The following CNTNAP4 variants were observed in gnomAD, a reference collection of about 807,000 sequenced individuals.
CNTNAP4 encodes the protein contactin associated protein family member 4.
In CNTNAP4, 98 loss-of-function variants were observed where a neutral mutation model predicts 148.4. The observed-to-expected ratio is 0.66, with a 90% CI of 0.56 to 0.78. The LOEUF is 0.78. Ranked by LOEUF, CNTNAP4 falls within the 30% of genes least tolerant of loss-of-function variation. The pLI, the probability that CNTNAP4 is intolerant of heterozygous loss-of-function variation, is 0.00. For synonymous variants in CNTNAP4, 730 were observed against 565.1 expected, an observed-to-expected ratio of 1.29 and a Z score of -4.14; for missense variants, 1,935 against 1,565.6, an observed-to-expected ratio of 1.24 and a Z score of -3.98.
At chr16:76,497,942 C>G (rs1346484083) in intron 14 of CNTNAP4, among the ~76,000 whole-genome samples, 1 of 152,102 alleles carries the variant, frequency 6.6e-6, no homozygotes, top group Non-Finnish European at 1.5e-5. Flanking sequence ...ACTGCAGTAT[C>G]AATCATTACA....
chr16:76,477,303 C>G (rs1296664756), intron 11 of CNTNAP4, among the ~76,000 whole-genome samples: 1 of 152,076 alleles, frequency 6.6e-6, no homozygotes, highest in Admixed American at 6.6e-5. Flanking sequence ...AATGGGAAGA[C>G]CAAAATGCCC....
intron 1 of CNTNAP4, among the ~76,000 whole-genome samples, chr16:76,280,759 TG>T (rs1958656290): frequency 6.6e-6 from 1 of 152,184 alleles, no homozygotes; most frequent in Non-Finnish European, 1.5e-5. Context: ...TTGGTTTCTT[TG>T]CTTGCTACTA....
rs9674155 is a variant in CNTNAP4 at position 76,300,891 on chromosome 16, G to C, written c.86-15522G>C. 3.3e-5 allele frequency among the ~76,000 whole-genome samples: 5 copies of C among 151,972 alleles called. No individual in the cohort carries two copies. The East Asian group carries it at 9.7e-4, about 29-fold the overall frequency. ...GAAGTACCTGGATGTCAAGGAAGGG[G>C]TATCTTTTATTTTATTTATTTATTT... On this transcript the variant is annotated intron_variant, in intron 1 of 23. Transcript: ENST00000611870.
Position 76,495,062 on chromosome 16 carries a change from G to C in CNTNAP4, c.2233G>C (p.Glu745Gln), listed in dbSNP as rs2082354913. 6.2e-7 allele frequency: 1 copy of C among 1,612,618 alleles called. No homozygotes were observed. Among genetic ancestry groups the C allele is most frequent in the Non-Finnish European group, 8.5e-7 (1 of 1,179,102 alleles). Residue 745 changes from glutamate (E) to glutamine (Q), a missense_variant, in exon 14 of 24, where the codon GAA (glutamate) becomes CAA (glutamine). Transcript: ENST00000611870. ...CTGCAATTGTGATGCTGACCGGAAT[G>C]AATGGTGATTTCCATATGATTTCTT... ...YYCNCDADRN[E>Q]WTNDTGLLAY...
chr16:76,345,665 G>C lies in CNTNAP4; in HGVS notation c.197-9653G>C, dbSNP rs116705670. ...ACCCTCCCACAGAGCCTGGAAGATGGAAGTCCTGTCTTTCTTGATGATTAC... is the reference window on the plus strand; with the variant it reads ...ACCCTCCCACAGAGCCTGGAAGATGCAAGTCCTGTCTTTCTTGATGATTAC... On this transcript the variant is annotated intron_variant, in intron 2 of 23. Coordinates refer to ENST00000611870, the MANE Select transcript of CNTNAP4 (RefSeq NM_033401.5). Among the ~76,000 whole-genome samples, 786 of 152,312 alleles carry C rather than the reference G, an allele frequency of 5.2e-3. 4 individuals carry two copies. The highest frequency in any genetic ancestry group is 0.018 in the African/African-American group (728 of 41,568).
intron 12 of CNTNAP4, among the ~76,000 whole-genome samples, chr16:76,486,797 G>A (rs898991794): frequency 9.9e-5 from 15 of 151,948 alleles, no homozygotes; most frequent in Admixed American, 2.0e-4. Context: ...AGTGTGCCAG[G>A]CACCCTCTGT....
intron 3 of CNTNAP4, among the ~76,000 whole-genome samples, chr16:76,411,418 C>G (rs1018143787): frequency 6.6e-6 from 1 of 151,162 alleles, no homozygotes; most frequent in Non-Finnish European, 1.5e-5. Context: ...TTTATAATGT[C>G]TGTAGTGGGG....
intron 1 of CNTNAP4, among the ~76,000 whole-genome samples, chr16:76,310,162 G>T (rs1301100516): frequency 6.6e-6 from 1 of 151,958 alleles, no homozygotes; most frequent in Non-Finnish European, 1.5e-5. Context: ...TCTCTCGTTG[G>T]GCAGGAAACA....
intron 4 of CNTNAP4, among the ~76,000 whole-genome samples, chr16:76,428,659 C>T (rs1206898188): frequency 6.6e-6 from 1 of 151,920 alleles, no homozygotes; most frequent in Non-Finnish European, 1.5e-5. Context: ...TTTCAGTGTC[C>T]ATCTCTACCA....
intron 2 of CNTNAP4, among the ~76,000 whole-genome samples, chr16:76,336,930 T>C (rs1269070554): frequency 6.6e-6 from 1 of 152,216 alleles, no homozygotes; most frequent in East Asian, 1.9e-4. Context: ...AATTTTTTTA[T>C]TTAATTAATA....
At chr16:76,532,825 A>T (rs1267996203) in intron 17 of CNTNAP4, among the ~76,000 whole-genome samples, 1 of 152,112 alleles carries the variant, frequency 6.6e-6, no homozygotes, top group Non-Finnish European at 1.5e-5. Flanking sequence ...GAGTCAACAG[A>T]GTGGAAGAAT....
intron 17 of CNTNAP4, among the ~76,000 whole-genome samples, chr16:76,534,835 A>G (rs574144943): frequency 2.6e-5 from 4 of 152,312 alleles, no homozygotes; most frequent in Admixed American, 2.0e-4. Context: ...CCAACCCAAC[A>G]TTGTAGACCT....
chr16:76,353,287 C>A (rs2012095700), intron 2 of CNTNAP4, among the ~76,000 whole-genome samples: 1 of 152,106 alleles, frequency 6.6e-6, no homozygotes, highest in South Asian at 2.1e-4. Flanking sequence ...GGGATTATAC[C>A]TGAATGCAAG....
At chr16:76,333,788 T>G (rs1457564162) in intron 2 of CNTNAP4, among the ~76,000 whole-genome samples, 7 of 147,452 alleles carry the variant, frequency 4.7e-5, no homozygotes, top group African/African-American at 1.5e-4. Flanking sequence ...GGTTTTTTTT[T>G]TTTTTTTTTT....
At chr16:76,305,941 T>C (rs1960433162) in intron 1 of CNTNAP4, among the ~76,000 whole-genome samples, 1 of 152,224 alleles carries the variant, frequency 6.6e-6, no homozygotes, top group South Asian at 2.1e-4. Flanking sequence ...TTAATTTACT[T>C]AAGCTTATGG....
At chr16:76,376,204 C>G (rs895568282) in intron 3 of CNTNAP4, among the ~76,000 whole-genome samples, 4 of 152,050 alleles carry the variant, frequency 2.6e-5, no homozygotes, top group African/African-American at 4.8e-5. Flanking sequence ...AAAAATACAA[C>G]TCATGCAAAA....
intron 19 of CNTNAP4, among the ~76,000 whole-genome samples, chr16:76,538,917 G>C (rs1363906988): frequency 6.6e-6 from 1 of 151,986 alleles, no homozygotes; most frequent in Admixed American, 6.6e-5. Context: ...CCCACATCTA[G>C]ATTAAAGGTA....
intron 3 of CNTNAP4, among the ~76,000 whole-genome samples, chr16:76,369,224 A>G (rs1011287735): frequency 6.6e-6 from 1 of 152,220 alleles, no homozygotes; most frequent in African/African-American, 2.4e-5. Flanking sequence ...TGTGTGCAAT[A>G]TAACAAAATA....
chr16:76,440,917 A>G (rs980674684), intron 4 of CNTNAP4, among the ~76,000 whole-genome samples: 1 of 152,160 alleles, frequency 6.6e-6, no homozygotes, highest in African/African-American at 2.4e-5. Flanking sequence ...GAGAAGGGCT[A>G]GGATGCAGGG....
Sources: gnomAD v4.1 joint callset for allele counts (sites outside exome capture counted in the v4.1 genomes callset) on GRCh38, gnomAD v4.1.1 for gene constraint, MANE v1.5 for transcripts, NCBI Gene and HGNC (gene_info 2026-07-23, HGNC 2026-07-21) for gene names.